The following SUSD4 variants were observed in gnomAD, a reference collection of about 807,000 sequenced individuals.
SUSD4 encodes the protein sushi domain-containing protein 4.
SUSD4 carries 41 observed loss-of-function variants against 50.5 expected under a neutral mutation model. The ratio of observed to expected loss-of-function variants is 0.81; its 90% CI spans 0.63 to 1.05. The LOEUF is 1.05. Ranked by LOEUF, SUSD4 falls within the 50% of genes least tolerant of loss-of-function variation. The probability of loss-of-function intolerance (pLI) is 0.00; values close to 1 mark genes in which losing one functional copy is unlikely to be tolerated. For missense variants in SUSD4, 580 were observed against 634.7 expected, an observed-to-expected ratio of 0.91 and a Z score of 0.93; for synonymous variants, 257 against 257.3, an observed-to-expected ratio of 1.00 and a Z score of 0.01.
At chr1:223,303,537 T>C (rs1665322993) in intron 2 of SUSD4, among the ~76,000 whole-genome samples, 1 of 152,138 alleles carries the variant, frequency 6.6e-6, no homozygotes, top group African/African-American at 2.4e-5. Context: ...TGTGACCTTA[T>C]AGTAGTATTG....
chr1:223,359,556 G>C (rs115126465), intron 2 of SUSD4, among the ~76,000 whole-genome samples: 1,575 of 152,280 alleles, frequency 0.01, 22 homozygotes, highest in African/African-American at 0.035. Flanking sequence ...CTCACTCATA[G>C]CAATTATTTT....
At chr1:223,278,247 G>A (rs1352799075) in intron 3 of SUSD4, among the ~76,000 whole-genome samples, 1 of 152,114 alleles carries the variant, frequency 6.6e-6, no homozygotes, top group Non-Finnish European at 1.5e-5. Context: ...CACCGAGTGT[G>A]AGCCAAAGCA....
intron 2 of SUSD4, among the ~76,000 whole-genome samples, chr1:223,317,850 T>A (rs12120328): frequency 1.9e-5 from 2 of 104,426 alleles, no homozygotes; most frequent in Admixed American, 1.0e-4. Flanking sequence ...TTTTTTTTTT[T>A]CTTTTTTTTT....
At chr1:223,303,475 G>A (rs977896783) in intron 2 of SUSD4, among the ~76,000 whole-genome samples, 2 of 147,376 alleles carry the variant, frequency 1.4e-5, no homozygotes, top group African/African-American at 4.9e-5. Flanking sequence ...AATAGTTTTT[G>A]ACCTGCAAAT....
At chr1:223,270,273 G>T (rs1037596971) in intron 3 of SUSD4, among the ~76,000 whole-genome samples, 1 of 152,136 alleles carries the variant, frequency 6.6e-6, no homozygotes, top group Non-Finnish European at 1.5e-5. Flanking sequence ...TGAGAGCAGG[G>T]ACTGTGTTGC....
At chr1:223,311,121 A>G (rs1665847869) in intron 2 of SUSD4, among the ~76,000 whole-genome samples, 1 of 152,252 alleles carries the variant, frequency 6.6e-6, no homozygotes, top group Admixed American at 6.5e-5. Flanking sequence ...GGCAGGTACC[A>G]TGAGACAAGG....
At chr1:223,244,716 G>A (rs145657003) in intron 5 of SUSD4, among the ~76,000 whole-genome samples, 114 of 152,276 alleles carry the variant, frequency 7.5e-4, no homozygotes, top group African/African-American at 2.4e-3. Context: ...GTAGGGAGCT[G>A]CTCTGTCCCC....
chr1:223,226,674 T>C (rs1659541196), intron 7 of SUSD4, among the ~76,000 whole-genome samples: 1 of 152,188 alleles, frequency 6.6e-6, no homozygotes, highest in East Asian at 1.9e-4. Flanking sequence ...CAGGTACATA[T>C]GACTCTGGGG....
chr1:223,285,828 C>T (rs980628156), intron 3 of SUSD4, among the ~76,000 whole-genome samples: 9 of 152,036 alleles, frequency 5.9e-5, no homozygotes, highest in African/African-American at 1.7e-4. Context: ...CCACACACAC[C>T]GGGAATTACT....
intron 5 of SUSD4, among the ~76,000 whole-genome samples, chr1:223,259,936 C>T (rs1023724983): frequency 6.6e-6 from 1 of 152,182 alleles, no homozygotes; most frequent in African/African-American, 2.4e-5. Context: ...TCAAAATACA[C>T]AGTCCTTCCC....
chr1:223,250,442 C>T (rs1661224109), intron 5 of SUSD4, among the ~76,000 whole-genome samples: 1 of 152,172 alleles, frequency 6.6e-6, no homozygotes, highest in African/African-American at 2.4e-5. Context: ...GCTATTGCCT[C>T]ATTTGCAAAG....
intron 3 of SUSD4, among the ~76,000 whole-genome samples, chr1:223,271,393 A>C (rs1662911900): frequency 6.6e-6 from 1 of 152,172 alleles, no homozygotes; most frequent in Non-Finnish European, 1.5e-5. Context: ...CAAACATGGC[A>C]TGGGGACTAT....
chr1:223,231,760 C>T lies in SUSD4; in HGVS notation c.725-2372G>A, dbSNP rs573917132. On this transcript the variant is annotated intron_variant, in intron 5 of 8. Coordinates refer to ENST00000366878, the MANE Select transcript of SUSD4 (RefSeq NM_017982.4). This position sits in a 1 kb window ranked among gnomAD's most constrained non-coding sequence, Gnocchi z 4.2. ...CGTGCTGCTTCTCCTCTACTCAATT[C>T]CTGGTTCTTCCCACAAGGAAGGGGT... is the stretch of plus-strand genomic sequence containing the variant. 7.2e-5 allele frequency among the ~76,000 whole-genome samples: 11 copies of T among 152,160 alleles called. No individual in the cohort carries two copies. Among genetic ancestry groups the T allele is most frequent in the Non-Finnish European group, 1.5e-4 (10 of 68,020 alleles).
rs546556406 is a variant in SUSD4, at chr1:223,238,161, C to T, written c.725-8773G>A. ...GTTGTTCAGAGCATTCCTTTATTAT[C>T]CTCCTAATGTCCATGGGATCTGTAG... On this transcript the variant is annotated intron_variant, in intron 5 of 8. Coordinates refer to ENST00000366878, the MANE Select transcript of SUSD4 (RefSeq NM_017982.4). Among the ~76,000 whole-genome samples, 6 of 152,080 alleles carry T rather than the reference C, an allele frequency of 3.9e-5. No individual in the cohort carries two copies. The South Asian group carries it at 1.2e-3, about 31-fold the overall frequency.
chr1:223,326,449 G>A (rs945184114), intron 2 of SUSD4, among the ~76,000 whole-genome samples: 29 of 152,092 alleles, frequency 1.9e-4, no homozygotes, highest in African/African-American at 7.0e-4. Flanking sequence ...AAGAATTCAT[G>A]ACTAAGACCC....
intron 3 of SUSD4, among the ~76,000 whole-genome samples, chr1:223,280,917 C>G (rs556300780): frequency 1.3e-5 from 2 of 152,310 alleles, no homozygotes; most frequent in East Asian, 3.9e-4. Flanking sequence ...CAAACTAGAA[C>G]TCAGGATTAA....
intron 3 of SUSD4, among the ~76,000 whole-genome samples, chr1:223,278,141 C>T (rs1373969483): frequency 2.0e-5 from 3 of 152,254 alleles, no homozygotes; most frequent in Non-Finnish European, 2.9e-5. Context: ...GCATGAGCGA[C>T]GCAGAAGACA....
chr1:223,259,092 C>A (rs566726072), intron 5 of SUSD4, among the ~76,000 whole-genome samples: 11 of 152,252 alleles, frequency 7.2e-5, no homozygotes, highest in East Asian at 1.9e-4. Flanking sequence ...CTATGTGAGC[C>A]CCAGGGGGAC....
In SUSD4 at chr1:223,292,487, C is replaced by A; in HGVS notation, c.313G>T (p.Gly105Ter). Reference protein sequence around the residue: ...TKRLCLKHFNGTLGWIPSDNS... With the variant: ...TKRLCLKHFN ...TCACTTGGGATCCAGCCTAGGGTTC[C>A]ATTAAAATGCTTCAAACACAGTCTC... is the stretch of plus-strand genomic sequence containing the variant. The change falls in exon 3 of 9, where the codon GGA becomes TGA. Residue 105 changes from glycine (G) to a stop codon, truncating the protein, a stop_gained. Transcript: ENST00000366878. LOFTEE classifies it high-confidence loss of function. 6.2e-7 allele frequency: 1 copy of A among 1,614,186 alleles called. No individual in the cohort carries two copies. The highest frequency in any genetic ancestry group is 8.5e-7 in the Non-Finnish European group (1 of 1,180,028).
Sources: allele counts gnomAD v4.1 joint callset (sites outside exome capture counted in the v4.1 genomes callset), GRCh38; gene constraint gnomAD v4.1.1; non-coding constraint Gnocchi (gnomAD v3.1); transcripts MANE v1.5; gene names NCBI Gene and HGNC (gene_info 2026-07-23, HGNC 2026-07-21).